ERBB4: variants seen among roughly 807,000 people sequenced by gnomAD.
ERBB4 encodes the protein erb-b2 receptor tyrosine kinase 4, also known as receptor tyrosine-protein kinase erbB-4.
A neutral mutation model predicts 158.0 loss-of-function variants in ERBB4; 42 were observed. The observed-to-expected ratio is 0.27, with a 90% CI of 0.21 to 0.34. The LOEUF is 0.34. ERBB4 is among the 10% of genes least tolerant of loss of function. ERBB4 has a pLI of 1.00. For missense variants in ERBB4, 1,333 were observed against 1,624.1 expected (o/e 0.82, Z 3.08); for synonymous variants, 583 against 558.7 (o/e 1.04, Z -0.61).
intron 3 of ERBB4, among the ~76,000 whole-genome samples, chr2:211,810,372 T>C (rs1388356434): frequency 3.3e-5 from 5 of 152,204 alleles, no homozygotes; most frequent in Non-Finnish European, 7.3e-5. Context: ...ATCTGGGTAA[T>C]CCTGTATTGG....
At chr2:212,402,829 A>C (rs942695457) in intron 1 of ERBB4, among the ~76,000 whole-genome samples, 9 of 152,108 alleles carry the variant, frequency 5.9e-5, no homozygotes, top group African/African-American at 2.2e-4. Flanking sequence ...TTTTATCAAT[A>C]AATATCATAC....
chr2:212,122,641 A>G (rs2079792013), intron 2 of ERBB4, among the ~76,000 whole-genome samples: 1 of 152,050 alleles, frequency 6.6e-6, no homozygotes, highest in Admixed American at 6.6e-5. Flanking sequence ...TTAATTCAAA[A>G]TGGTTCCCAA....
chr2:212,035,528 G>A (rs1238509661), intron 2 of ERBB4, among the ~76,000 whole-genome samples: 7 of 152,026 alleles, frequency 4.6e-5, no homozygotes, highest in Admixed American at 6.6e-5. Context: ...AAATCTTTGC[G>A]CTCTCTTCTG....
chr2:211,625,057 C>T (rs911032464), intron 17 of ERBB4, among the ~76,000 whole-genome samples: 1 of 151,166 alleles, frequency 6.6e-6, no homozygotes, highest in Non-Finnish European at 1.5e-5. Context: ...GCGTGCCAAT[C>T]ACTGGCATAT....
chr2:212,486,424 A>G (rs568306159), intron 1 of ERBB4, among the ~76,000 whole-genome samples: 1 of 152,292 alleles, frequency 6.6e-6, no homozygotes, highest in African/African-American at 2.4e-5. Context: ...TGAGCTTTCA[A>G]TATAAATAAT....
chr2:212,141,665 T>C (rs2080482426), intron 1 of ERBB4, among the ~76,000 whole-genome samples: 1 of 152,066 alleles, frequency 6.6e-6, no homozygotes, highest in Non-Finnish European at 1.5e-5. Flanking sequence ...CTATTCTCTC[T>C]TTCCATAACC....
intron 1 of ERBB4, among the ~76,000 whole-genome samples, chr2:212,377,861 G>T (rs556401395): frequency 6.6e-6 from 1 of 151,832 alleles, no homozygotes; most frequent in South Asian, 2.1e-4. Flanking sequence ...TGTCTCTCTT[G>T]TAATACTACC....
intron 1 of ERBB4, among the ~76,000 whole-genome samples, chr2:212,480,646 G>C (rs1689647912): frequency 1.3e-5 from 2 of 152,186 alleles, no homozygotes; most frequent in South Asian, 2.1e-4. Flanking sequence ...CAATAGCAGG[G>C]AGACACCGCA....
intron 1 of ERBB4, among the ~76,000 whole-genome samples, chr2:212,413,149 T>TC (rs1351924035): frequency 2.0e-5 from 3 of 147,412 alleles, no homozygotes; most frequent in Non-Finnish European, 4.5e-5. Context: ...TTTTTTTTTT[T>TC]TTTTTTTTTT....
intron 20 of ERBB4, among the ~76,000 whole-genome samples, chr2:211,537,863 T>G (rs2066698516): frequency 6.6e-6 from 1 of 151,934 alleles, no homozygotes; most frequent in Admixed American, 6.6e-5. Flanking sequence ...TCCGTATAAA[T>G]TTCTCTCATT....
chr2:211,815,774 G>T (rs1201264303), intron 3 of ERBB4, among the ~76,000 whole-genome samples: 2 of 152,192 alleles, frequency 1.3e-5, no homozygotes, highest in East Asian at 3.9e-4. Context: ...CCCACCCTCA[G>T]TGTGGTGGCA....
At chr2:212,286,595 T>TTGTTTTTTTTTTTG (rs1553611170) in intron 1 of ERBB4, among the ~76,000 whole-genome samples, 13 of 22,256 alleles carry the variant, frequency 5.8e-4, no homozygotes, top group South Asian at 5.1e-3. Context: ...AAGTGCTGAC[T>TTGTTTTTTTTTTTG]TTTTTTTTTT....
At chr2:212,340,958 CA>C (rs1165431256) in intron 1 of ERBB4, among the ~76,000 whole-genome samples, 23 of 151,410 alleles carry the variant, frequency 1.5e-4, no homozygotes, top group African/African-American at 5.6e-4. Context: ...CAGGATTTAT[CA>C]AGATCTTAAA....
At chr2:211,907,329 T>C (rs2079422062) in intron 3 of ERBB4, among the ~76,000 whole-genome samples, 4 of 151,718 alleles carry the variant, frequency 2.6e-5, no homozygotes, top group Non-Finnish European at 1.5e-5. Context: ...TGTCAATTTA[T>C]TTTCTTCAGA....
At chr2:212,111,038 C>T (rs1415301884) in intron 2 of ERBB4, among the ~76,000 whole-genome samples, 1 of 152,152 alleles carries the variant, frequency 6.6e-6, no homozygotes, top group Non-Finnish European at 1.5e-5. Context: ...ATGAGGGGCT[C>T]TTCCTGAAAA....
intron 17 of ERBB4, among the ~76,000 whole-genome samples, chr2:211,629,196 AG>A (rs1445446475): frequency 6.6e-6 from 1 of 152,192 alleles, no homozygotes; most frequent in African/African-American, 2.4e-5. Context: ...ACTTCAGCAA[AG>A]TCTCAGGATA....
intron 1 of ERBB4, among the ~76,000 whole-genome samples, chr2:212,254,971 T>A (rs1236792360): frequency 6.6e-6 from 1 of 152,194 alleles, no homozygotes; most frequent in Non-Finnish European, 1.5e-5. Context: ...TAAGGAGTAA[T>A]TCATTCTACA....
intron 1 of ERBB4, among the ~76,000 whole-genome samples, chr2:212,133,396 GTT>G (rs575131971): frequency 1.5e-5 from 2 of 137,132 alleles, no homozygotes; most frequent in Non-Finnish European, 3.1e-5. Flanking sequence ...TCATTTTGGT[GTT>G]TTTTTTTTGT....
intron 1 of ERBB4, among the ~76,000 whole-genome samples, chr2:212,305,501 A>G (rs1181000266): frequency 6.6e-6 from 1 of 151,192 alleles, no homozygotes; most frequent in Non-Finnish European, 1.5e-5. Flanking sequence ...TGGTTGTATA[A>G]CTCCTCACAT....
Sources: gnomAD v4.1 joint callset for allele counts (sites outside exome capture counted in the v4.1 genomes callset) on GRCh38, gnomAD v4.1.1 for gene constraint, MANE v1.5 for transcripts, NCBI Gene and HGNC (gene_info 2026-07-23, HGNC 2026-07-21) for gene names.